DLGAP1: variants seen among roughly 807,000 people sequenced by gnomAD.
The protein encoded by DLGAP1 is DLG associated protein 1, also known as disks large-associated protein 1.
A neutral mutation model predicts 90.8 loss-of-function variants in DLGAP1; 11 were observed. The ratio of observed to expected loss-of-function variants is 0.12; its 90% confidence interval spans 0.08 to 0.20. DLGAP1 has a LOEUF of 0.20. Among genes scored for constraint, DLGAP1 ranks in the 10% least tolerant of loss-of-function variants. The pLI is 1.00. For synonymous variants in DLGAP1, 558 were observed against 540.7 expected (o/e 1.03, Z -0.44); for missense variants, 1,050 against 1,333.8 (o/e 0.79, Z 3.31).
At chr18:3,815,879 T>G (rs946706192) in intron 4 of DLGAP1, among the ~76,000 whole-genome samples, 1 of 152,176 alleles carries the variant, frequency 6.6e-6, no homozygotes, top group Non-Finnish European at 1.5e-5. Context: ...GGGAGGCTGG[T>G]TCTTGCCCTC....
chr18:3,684,287 T>C (rs2060624204), intron 7 of DLGAP1, among the ~76,000 whole-genome samples: 1 of 151,184 alleles, frequency 6.6e-6, no homozygotes, highest in African/African-American at 2.4e-5. Context: ...CCTCTCGGGC[T>C]CAAGCAATTC....
At position 3,727,611 on chromosome 18, in the gene DLGAP1, G is replaced by C. The variant is rs1311322560; in HGVS notation, c.1591+1524C>G. 1.3e-5 allele frequency: 2 copies of C among 152,092 alleles called. No individual in the cohort carries two copies. Among genetic ancestry groups the C allele is most frequent in the Non-Finnish European group, 1.5e-5 (1 of 68,044 alleles). 9.4% of individuals were successfully genotyped at this position (152,092 alleles called of 1,614,324 possible). On this transcript the variant is annotated intron_variant, in intron 7 of 12. Transcript: ENST00000315677. This position sits in a 1 kb window ranked among gnomAD's most constrained non-coding sequence, Gnocchi z 4.7. ...TGTTGGGTGGGGGTGGTGAAAATGG[G>C]ACACACCAAAAGACATAGTGATAAG...
At chr18:3,946,547 A>G (rs2072881813) in intron 3 of DLGAP1, among the ~76,000 whole-genome samples, 1 of 152,186 alleles carries the variant, frequency 6.6e-6, no homozygotes, top group Admixed American at 6.5e-5. Flanking sequence ...TGGTTCAATT[A>G]TTTACACTAT....
At chr18:3,974,482 C>G (rs2073527940) in intron 3 of DLGAP1, among the ~76,000 whole-genome samples, 1 of 152,134 alleles carries the variant, frequency 6.6e-6, no homozygotes. Flanking sequence ...TTCAATAGTT[C>G]TTCACACAAA....
rs187246451 is a variant in DLGAP1 at position 3,565,305 on chromosome 18, C to T, written c.2057+2185G>A. Among the ~76,000 whole-genome samples the T allele has an allele frequency of 2.9e-4, 44 of 152,118 alleles. No individual in the cohort carries two copies. Among genetic ancestry groups the T allele is most frequent in the African/African-American group, 9.9e-4 (41 of 41,538 alleles). On this transcript the variant is annotated intron_variant, in intron 9 of 12. Coordinates refer to ENST00000315677, the MANE Select transcript of DLGAP1 (RefSeq NM_004746.4). This position sits in a 1 kb window ranked among gnomAD's most constrained non-coding sequence, Gnocchi z 4.0. ...CTGGGATTACAGGAACCCACCACCA[C>T]GCACAGCTAATTTTTGTAATTTTTT...
intron 5 of DLGAP1, among the ~76,000 whole-genome samples, chr18:3,762,891 G>A (rs1268489588): frequency 6.6e-6 from 1 of 152,190 alleles, no homozygotes; most frequent in Non-Finnish European, 1.5e-5. Flanking sequence ...CACCCCGAAT[G>A]ATACTTCACC....
chr18:4,200,696 C>T (rs747462908), intron 1 of DLGAP1, among the ~76,000 whole-genome samples: 25 of 151,698 alleles, frequency 1.6e-4, no homozygotes, highest in Non-Finnish European at 3.2e-4. Context: ...TACTAAGCAC[C>T]ATTATCATAC....
intron 1 of DLGAP1, among the ~76,000 whole-genome samples, chr18:4,343,248 A>G (rs1313711917): frequency 2.0e-5 from 3 of 150,890 alleles, no homozygotes; most frequent in Non-Finnish European, 4.4e-5. Flanking sequence ...CAGAGCTTGC[A>G]GTGAGCTGAG....
intron 7 of DLGAP1, among the ~76,000 whole-genome samples, chr18:3,630,515 T>C (rs28558433): frequency 0.25 from 37,754 of 152,082 alleles, 6,823 homozygotes; most frequent in African/African-American, 0.51. Context: ...TCTTTCTCTC[T>C]CTCCTGTTGT....
chr18:3,832,422 C>T (rs1015927807), intron 4 of DLGAP1, among the ~76,000 whole-genome samples: 7 of 152,156 alleles, frequency 4.6e-5, no homozygotes, highest in Non-Finnish European at 8.8e-5. Context: ...CTCCTAGTAA[C>T]GATGCTGGCT....
At chr18:3,893,558 G>A (rs536372209) in intron 3 of DLGAP1, among the ~76,000 whole-genome samples, 4 of 149,620 alleles carry the variant, frequency 2.7e-5, no homozygotes, top group Non-Finnish European at 4.4e-5. Context: ...CAGCCTGGGC[G>A]ACAAGAGCAA....
chr18:3,694,939 G>GTTTTT (rs1219198458), intron 7 of DLGAP1, among the ~76,000 whole-genome samples: 1 of 125,252 alleles, frequency 8.0e-6, no homozygotes, highest in Non-Finnish European at 1.7e-5. Flanking sequence ...TGTTTTTTTT[G>GTTTTT]TTTTTTTTTT....
chr18:3,574,547 G>A (rs1480983054), intron 8 of DLGAP1, among the ~76,000 whole-genome samples: 1 of 151,998 alleles, frequency 6.6e-6, no homozygotes, highest in Non-Finnish European at 1.5e-5. Flanking sequence ...ATCATGGTTG[G>A]CAAACATGAC....
chr18:4,236,898 C>T (rs545087885), intron 1 of DLGAP1, among the ~76,000 whole-genome samples: 1 of 152,228 alleles, frequency 6.6e-6, no homozygotes, highest in South Asian at 2.1e-4. Flanking sequence ...AAGAGATGTG[C>T]TTCGTGGCAC....
At chr18:4,306,081 GGAGAGAGAGAGA>G (rs142976459) in intron 1 of DLGAP1, among the ~76,000 whole-genome samples, 2 of 143,730 alleles carry the variant, frequency 1.4e-5, no homozygotes, top group Non-Finnish European at 3.1e-5. Flanking sequence ...AGAGGGGGGC[GGAGAGAGAGAGA>G]GAGAGAGAGG....
intron 1 of DLGAP1, among the ~76,000 whole-genome samples, chr18:4,368,512 T>C (rs1385324016): frequency 6.6e-6 from 1 of 152,106 alleles, no homozygotes. Context: ...GCAGACAGCC[T>C]TCAGACTCAC....
chr18:4,089,533 A>G (rs2075736704), intron 2 of DLGAP1, among the ~76,000 whole-genome samples: 1 of 152,302 alleles, frequency 6.6e-6, no homozygotes, highest in East Asian at 1.9e-4. Flanking sequence ...AAGCCATCCC[A>G]CCATCTGATT....
At chr18:4,135,278 C>A (rs116053836) in intron 2 of DLGAP1, among the ~76,000 whole-genome samples, 2,678 of 151,674 alleles carry the variant, frequency 0.018, 74 homozygotes, top group African/African-American at 0.058. Context: ...GAGGGGGGAG[C>A]AGATGAAAGG....
chr18:4,055,245 G>A (rs186394258), intron 2 of DLGAP1, among the ~76,000 whole-genome samples: 4 of 152,178 alleles, frequency 2.6e-5, no homozygotes, highest in African/African-American at 9.6e-5. Flanking sequence ...GAGAGACTGG[G>A]GACTCTGTGG....
Sources: gnomAD v4.1 joint callset for allele counts (sites outside exome capture counted in the v4.1 genomes callset) on GRCh38, gnomAD v4.1.1 for gene constraint, Gnocchi (gnomAD v3.1) non-coding constraint, MANE v1.5 for transcripts, NCBI Gene and HGNC (gene_info 2026-07-23, HGNC 2026-07-21) for gene names.